PPARGC1A: variants seen among roughly 807,000 people sequenced by gnomAD.
The protein encoded by PPARGC1A is PPARG coactivator 1 alpha, also known as peroxisome proliferator-activated receptor gamma coactivator 1-alpha.
In PPARGC1A, 25 loss-of-function variants were observed where a neutral mutation model predicts 88.7. That is an observed-to-expected ratio of 0.28 (90% CI 0.21 to 0.39). PPARGC1A has a LOEUF of 0.39. PPARGC1A is among the 10% of genes least tolerant of loss of function. PPARGC1A has a pLI of 1.00. For synonymous variants in PPARGC1A, 363 were observed against 355.6 expected (o/e 1.02, Z -0.24); for missense variants, 880 against 968.7 (o/e 0.91, Z 1.22).
the PPARGC1A span, among the ~76,000 whole-genome samples, chr4:24,000,467 G>A: frequency 6.6e-6 from 1 of 151,322 alleles, no homozygotes; most frequent in South Asian, 2.1e-4. Flanking sequence ...GGTCATCAGG[G>A]CATATAATAA....
At chr4:24,230,120 A>G in the PPARGC1A span, among the ~76,000 whole-genome samples, 9 of 152,288 alleles carry the variant, frequency 5.9e-5, no homozygotes, top group East Asian at 1.7e-3. Context: ...GACTGGGGTT[A>G]TTACCATTGC....
At chr4:24,031,466 A>T in the PPARGC1A span, among the ~76,000 whole-genome samples, 1 of 152,144 alleles carries the variant, frequency 6.6e-6, no homozygotes, top group Non-Finnish European at 1.5e-5. Context: ...TCAAATGATC[A>T]AACTGTCTAA....
chr4:24,106,443 T>C, the PPARGC1A span, among the ~76,000 whole-genome samples: 419 of 152,314 alleles, frequency 2.8e-3, 5 homozygotes, highest in East Asian at 0.052. Flanking sequence ...GGCAACACTT[T>C]GAGCACCTTC....
At chr4:23,984,003 T>A in the PPARGC1A span, among the ~76,000 whole-genome samples, 2 of 152,104 alleles carry the variant, frequency 1.3e-5, no homozygotes, top group Non-Finnish European at 2.9e-5. Context: ...TCACCCATTC[T>A]TTTATGTATT....
chr4:24,416,323 GATCA>G, the PPARGC1A span, among the ~76,000 whole-genome samples: 113,516 of 151,308 alleles, frequency 0.75, 42,760 homozygotes, highest in East Asian at 0.78. Context: ...ATACAGTGTG[GATCA>G]ATCAAAGCAG....
the PPARGC1A span, among the ~76,000 whole-genome samples, chr4:24,244,341 C>T: frequency 4.6e-5 from 7 of 152,276 alleles, no homozygotes; most frequent in East Asian, 1.3e-3. Context: ...ATCTTATGGT[C>T]GGATTGTCAA....
At chr4:24,401,015 CTTTTTTTTTTT>C in the PPARGC1A span, among the ~76,000 whole-genome samples, 1 of 99,826 alleles carries the variant, frequency 1.0e-5, no homozygotes, top group Non-Finnish European at 1.8e-5. Flanking sequence ...CCTGAATTTT[CTTTTTTTTTTT>C]TTTTTTTTTT....
At chr4:24,330,399 G>A in the PPARGC1A span, among the ~76,000 whole-genome samples, 3 of 152,154 alleles carry the variant, frequency 2.0e-5, no homozygotes, top group Non-Finnish European at 4.4e-5. Flanking sequence ...GAGGAAACTC[G>A]AGCTGGTTGC....
chr4:24,321,306 C>T, the PPARGC1A span, among the ~76,000 whole-genome samples: 3 of 152,094 alleles, frequency 2.0e-5, no homozygotes, highest in African/African-American at 4.8e-5. Flanking sequence ...AAATAAAATG[C>T]GTATGACGCA....
chr4:24,229,617 G>C, the PPARGC1A span, among the ~76,000 whole-genome samples: 1 of 151,404 alleles, frequency 6.6e-6, no homozygotes, highest in African/African-American at 2.4e-5. Flanking sequence ...TGGATCACTT[G>C]AGGTCAGGAG....
chr4:24,054,466 C>A, the PPARGC1A span, among the ~76,000 whole-genome samples: 1 of 152,160 alleles, frequency 6.6e-6, no homozygotes, highest in Non-Finnish European at 1.5e-5. Flanking sequence ...TATGCTTATG[C>A]ATGTCCATTT....
At chr4:23,880,415 T>A (rs1368847561) in intron 2 of PPARGC1A, among the ~76,000 whole-genome samples, 1 of 152,192 alleles carries the variant, frequency 6.6e-6, no homozygotes, top group Non-Finnish European at 1.5e-5. Context: ...CAAGTATTTG[T>A]TGAGTTCTTA....
the PPARGC1A span, among the ~76,000 whole-genome samples, chr4:24,279,160 AT>A: frequency 5.3e-3 from 805 of 152,290 alleles, 7 homozygotes; most frequent in African/African-American, 0.019. Flanking sequence ...ACAAAAACAC[AT>A]TCCACTCTGT....
chr4:24,270,306 C>CCTCT, the PPARGC1A span, among the ~76,000 whole-genome samples: 4 of 147,482 alleles, frequency 2.7e-5, no homozygotes, highest in African/African-American at 5.0e-5. Context: ...AATAAATCAA[C>CCTCT]CTCTCTCTCT....
the PPARGC1A span, among the ~76,000 whole-genome samples, chr4:24,414,023 C>A: frequency 6.6e-6 from 1 of 152,158 alleles, no homozygotes. Flanking sequence ...CCACGGTTGT[C>A]GGTCTCCAAA....
the PPARGC1A span, among the ~76,000 whole-genome samples, chr4:24,068,770 T>A: frequency 6.6e-6 from 1 of 152,154 alleles, no homozygotes; most frequent in African/African-American, 2.4e-5. Context: ...GTACTTCCCC[T>A]TATGCCTTGA....
the PPARGC1A span, among the ~76,000 whole-genome samples, chr4:24,174,602 G>T: frequency 6.6e-6 from 1 of 152,288 alleles, no homozygotes; most frequent in South Asian, 2.1e-4. Flanking sequence ...CATGCTATGT[G>T]GTCATGGTTG....
At chr4:23,845,748 G>A (rs541239941) in intron 2 of PPARGC1A, among the ~76,000 whole-genome samples, 2 of 152,244 alleles carry the variant, frequency 1.3e-5, no homozygotes, top group South Asian at 4.1e-4. Context: ...AATGCTTGCC[G>A]AACAAATACA....
the PPARGC1A span, among the ~76,000 whole-genome samples, chr4:23,941,121 G>A: frequency 1.3e-5 from 2 of 152,110 alleles, no homozygotes; most frequent in African/African-American, 4.8e-5. Context: ...TGCAGTCATA[G>A]CTCACTGTAT....
Sources: gnomAD v4.1 joint callset for allele counts (sites outside exome capture counted in the v4.1 genomes callset) on GRCh38, gnomAD v4.1.1 for gene constraint, MANE v1.5 for transcripts, NCBI Gene and HGNC (gene_info 2026-07-23, HGNC 2026-07-21) for gene names.